Variants in RBPJ observed in about 807,000 individuals in gnomAD.
The protein encoded by RBPJ is recombination signal binding protein for immunoglobulin kappa J region, also known as recombining binding protein suppressor of hairless.
In RBPJ, 9 loss-of-function variants were observed where a neutral mutation model predicts 67.8. That is an observed-to-expected ratio of 0.13 (90% CI 0.08 to 0.23). The LOEUF is 0.23. Ranked by LOEUF, RBPJ falls within the 10% of genes least tolerant of loss-of-function variation. The pLI, the probability that RBPJ is intolerant of heterozygous loss-of-function variation, is 1.00. For synonymous variants in RBPJ, 198 were observed against 203.3 expected, an observed-to-expected ratio of 0.97 and a Z score of 0.22; for missense variants, 305 against 595.6, an observed-to-expected ratio of 0.51 and a Z score of 5.08.
At chr4:26,368,128 C>T (rs971785164) in intron 1 of RBPJ, 3 of 152,238 alleles carry the variant, frequency 2.0e-5, no homozygotes, top group African/African-American at 7.2e-5. Flanking sequence ...TAAATAACCT[C>T]TCCCAATCAG....
At chr4:26,380,278 G>A (rs977199043) in intron 1 of RBPJ, among the ~76,000 whole-genome samples, 82 of 152,162 alleles carry the variant, frequency 5.4e-4, no homozygotes, top group African/African-American at 1.9e-3. Context: ...ATAGATGAAC[G>A]TCTGTGAAGC....
intron 2 of RBPJ, among the ~76,000 whole-genome samples, chr4:26,394,188 G>T (rs1289388400): frequency 6.6e-6 from 1 of 151,888 alleles, no homozygotes; most frequent in South Asian, 2.1e-4. Context: ...CACCACACCC[G>T]GCTAATTTTT....
intron 1 of RBPJ, among the ~76,000 whole-genome samples, chr4:26,336,366 G>A (rs79922863): frequency 2.6e-5 from 4 of 152,134 alleles, no homozygotes; most frequent in Admixed American, 2.6e-4. Context: ...TGTAATCCCA[G>A]CCATCCCAGA....
intron 5 of RBPJ, among the ~76,000 whole-genome samples, chr4:26,422,567 T>C (rs1251391537): frequency 6.6e-6 from 1 of 152,208 alleles, no homozygotes; most frequent in Non-Finnish European, 1.5e-5. Context: ...TTTGTTTGCT[T>C]TCTTTTCATT....
the RBPJ span, among the ~76,000 whole-genome samples, chr4:26,120,202 A>G: frequency 6.6e-6 from 1 of 152,222 alleles, no homozygotes; most frequent in Admixed American, 6.5e-5. Flanking sequence ...AGCAACAACA[A>G]AAGCAAAGGC....
intron 1 of RBPJ, among the ~76,000 whole-genome samples, chr4:26,281,939 A>G (rs912617282): frequency 3.9e-5 from 6 of 152,168 alleles, no homozygotes. Flanking sequence ...ATTCTATTTG[A>G]ATTATAGAGC....
chr4:26,143,803 C>G, the RBPJ span, among the ~76,000 whole-genome samples: 4 of 152,160 alleles, frequency 2.6e-5, no homozygotes, highest in Non-Finnish European at 4.4e-5. Context: ...TGACACACAC[C>G]TGTAGTCTCA....
At chr4:26,397,214 T>C (rs895409528) in intron 2 of RBPJ, among the ~76,000 whole-genome samples, 1 of 152,202 alleles carries the variant, frequency 6.6e-6, no homozygotes, top group African/African-American at 2.4e-5. Context: ...GTAAGTATTG[T>C]GGAGCTCACT....
At chr4:26,368,639 C>G (rs1180821756) in intron 1 of RBPJ, among the ~76,000 whole-genome samples, 2 of 152,068 alleles carry the variant, frequency 1.3e-5, no homozygotes, top group Non-Finnish European at 2.9e-5. Flanking sequence ...TTAGTTGGCC[C>G]CAAACTGAGA....
chr4:26,371,931 C>T (rs1295632816), intron 1 of RBPJ, among the ~76,000 whole-genome samples: 1 of 152,188 alleles, frequency 6.6e-6, no homozygotes, highest in Non-Finnish European at 1.5e-5. Context: ...ATGTGGGGCT[C>T]ATTATCTTTA....
At chr4:26,282,058 T>C (rs1229048061) in intron 1 of RBPJ, among the ~76,000 whole-genome samples, 2 of 152,156 alleles carry the variant, frequency 1.3e-5, no homozygotes, top group Non-Finnish European at 2.9e-5. Flanking sequence ...TATGTGTTTA[T>C]CTAGGAAGAG....
chr4:26,294,725 C>CA (rs1159603116), intron 1 of RBPJ, among the ~76,000 whole-genome samples: 2 of 151,646 alleles, frequency 1.3e-5, no homozygotes, highest in East Asian at 2.0e-4. Context: ...ACTAAAAATA[C>CA]AAAAAAATTA....
intron 1 of RBPJ, among the ~76,000 whole-genome samples, chr4:26,222,938 G>A (rs1220933863): frequency 1.3e-5 from 2 of 151,606 alleles, no homozygotes; most frequent in Admixed American, 6.6e-5. Flanking sequence ...GGCGGATCAC[G>A]AGGTCAGAAG....
At chr4:26,284,006 G>T (rs1431695916) in intron 1 of RBPJ, among the ~76,000 whole-genome samples, 1 of 152,172 alleles carries the variant, frequency 6.6e-6, no homozygotes, top group Non-Finnish European at 1.5e-5. Flanking sequence ...GGAGGCAAAT[G>T]CTATTGGGTA....
chr4:26,186,686 A>G (rs972517517), intron 1 of RBPJ, among the ~76,000 whole-genome samples: 18 of 152,208 alleles, frequency 1.2e-4, no homozygotes, highest in African/African-American at 4.3e-4. Flanking sequence ...GTGGGATTCA[A>G]AAATGTTCAC....
intron 1 of RBPJ, among the ~76,000 whole-genome samples, chr4:26,266,125 A>G (rs528143080): frequency 3.3e-4 from 50 of 152,214 alleles, no homozygotes; most frequent in Middle Eastern, 3.4e-3. Flanking sequence ...CTGTGCCCCA[A>G]CAGTATCAGG....
At chr4:26,211,011 GAGCCCCTGTGCTGTGCA>G in intron 1 of RBPJ, among the ~76,000 whole-genome samples, 1 of 152,016 alleles carries the variant, frequency 6.6e-6, no homozygotes, top group East Asian at 1.9e-4. Context: ...TTTTCCCACA[GAGCCCCTGTGCTGTGCA>G]GAGCACAGGT....
chr4:26,270,441 A>AAAG (rs1422188390), intron 1 of RBPJ, among the ~76,000 whole-genome samples: 62 of 116,342 alleles, frequency 5.3e-4, no homozygotes, highest in African/African-American at 9.0e-4. Flanking sequence ...AAGAAAGAAG[A>AAAG]AAGAAAGAAA....
At chr4:26,192,094 T>C (rs1717578150) in intron 1 of RBPJ, among the ~76,000 whole-genome samples, 1 of 151,602 alleles carries the variant, frequency 6.6e-6, no homozygotes. Flanking sequence ...CTGCAACCTC[T>C]GCCTCCCAGG....
Sources: gnomAD v4.1 joint callset for allele counts (sites outside exome capture counted in the v4.1 genomes callset) on GRCh38, gnomAD v4.1.1 for gene constraint, MANE v1.5 for transcripts, NCBI Gene and HGNC (gene_info 2026-07-23, HGNC 2026-07-21) for gene names.